Variants in ECE1 observed in about 807,000 individuals in gnomAD.
The protein encoded by ECE1 is endothelin-converting enzyme 1.
ECE1 carries 35 observed loss-of-function variants against 98.6 expected under a neutral mutation model. That is an observed-to-expected ratio of 0.35 (90% CI 0.27 to 0.47). ECE1 has a LOEUF of 0.47. ECE1 is among the 20% of genes least tolerant of loss of function. The probability of loss-of-function intolerance (pLI) is 1.00; values close to 1 mark genes in which losing one functional copy is unlikely to be tolerated. For missense variants in ECE1, 814 were observed against 1,025.3 expected, an observed-to-expected ratio of 0.79 and a Z score of 2.81; for synonymous variants, 394 against 407.1, an observed-to-expected ratio of 0.97 and a Z score of 0.39.
chr1:21,318,510 G>A (rs1009681195), intron 1 of ECE1, among the ~76,000 whole-genome samples: 1 of 152,068 alleles, frequency 6.6e-6, no homozygotes, highest in African/African-American at 2.4e-5. Flanking sequence ...CACTGTCTTT[G>A]GGGCAGACAT....
At position 21,282,601 on chromosome 1, in the gene ECE1, AAAAG is replaced by A. The variant is rs1223834867; in HGVS notation, c.139-3273_139-3270del. 3.3e-3 allele frequency among the ~76,000 whole-genome samples: 504 copies of A among 150,996 alleles called. 12 individuals carry two copies. The highest frequency in any genetic ancestry group is 0.031 in the Admixed American group (469 of 15,090). On this transcript the variant is annotated intron_variant, in intron 2 of 18. Transcript: ENST00000374893. ...AGACGCTGTCTTGAAAAAAAAAAAA[AAAAG>A]AAAGAAAAGAAAAGAAAAGAGGTAC...
At chr1:21,317,929 C>G (rs1297514368) in intron 1 of ECE1, among the ~76,000 whole-genome samples, 1 of 152,186 alleles carries the variant, frequency 6.6e-6, no homozygotes, top group Non-Finnish European at 1.5e-5. Flanking sequence ...CGGGGTGTGA[C>G]CCCAATGTTC....
At chr1:21,296,158 A>AT (rs756587004) in intron 1 of ECE1, among the ~76,000 whole-genome samples, 31 of 152,144 alleles carry the variant, frequency 2.0e-4, no homozygotes, top group Non-Finnish European at 1.2e-4. Flanking sequence ...AAAATAACAG[A>AT]TTGCCCAGGT....
At chr1:21,302,318 C>T (rs1558423279) in intron 1 of ECE1, among the ~76,000 whole-genome samples, 1 of 152,202 alleles carries the variant, frequency 6.6e-6, no homozygotes, top group African/African-American at 2.4e-5. Context: ...GTGCTAAGCG[C>T]CCTACACACA....
At chr1:21,333,788 C>T (rs931409678) in intron 1 of ECE1, among the ~76,000 whole-genome samples, 7 of 151,822 alleles carry the variant, frequency 4.6e-5, no homozygotes, top group African/African-American at 1.7e-4. Context: ...GAGCTGAGAT[C>T]GTGCCACTGC....
intron 1 of ECE1, among the ~76,000 whole-genome samples, chr1:21,342,630 AC>A (rs1308167007): frequency 7.4e-6 from 1 of 135,558 alleles, no homozygotes; most frequent in Non-Finnish European, 1.5e-5. Context: ...ACACACACAC[AC>A]ACACACACAC....
In ECE1 at chr1:21,238,040, A is replaced by G; in HGVS notation, c.1389+94T>C. The G allele has an allele frequency of 2.6e-6, 3 of 1,171,080 alleles. No individual in the cohort carries two copies. In the South Asian group the frequency reaches 3.8e-5, roughly 15 times the overall value. 72.5% of individuals were successfully genotyped at this position (1,171,080 alleles called of 1,614,324 possible). A position where few individuals can be genotyped will look rare whatever the true frequency, so the allele number is the denominator to read the frequency against. ...TAAGGTCCCCTGCCCAGGAGCAGGA[A>G]AGGCCCAGGGTGGGCTGGAGTGTGA... On this transcript the variant is annotated intron_variant, in intron 11 of 18. Coordinates refer to ENST00000374893, the MANE Select transcript of ECE1 (RefSeq NM_001397.3).
At chr1:21,328,087 C>A (rs1047729338) in intron 1 of ECE1, among the ~76,000 whole-genome samples, 7 of 152,180 alleles carry the variant, frequency 4.6e-5, no homozygotes, top group Non-Finnish European at 7.3e-5. Context: ...AAGCCTGGCA[C>A]CAAAAAGGTT....
chr1:21,304,884 C>G lies in ECE1; in HGVS notation c.4-14728G>C, dbSNP rs555979744. 2.6e-5 allele frequency among the ~76,000 whole-genome samples: 4 copies of G among 152,236 alleles called. No individual in the cohort carries two copies. The South Asian group carries it at 8.3e-4, about 32-fold the overall frequency. ...TTTCAAGGAAAACAGAAACTGATTC[C>G]TTTGTAGTGCTGAACATACTGACGA... On this transcript the variant is annotated intron_variant, in intron 1 of 18. Coordinates refer to the ECE1 transcript ENST00000415912.
intron 1 of ECE1, among the ~76,000 whole-genome samples, chr1:21,343,138 T>C (rs1639433805): frequency 6.6e-6 from 1 of 152,120 alleles, no homozygotes; most frequent in Non-Finnish European, 1.5e-5. Context: ...TCTCTCCAGC[T>C]TGGAGAGAGC....
Position 21,345,428 on chromosome 1 carries a change from C to A in ECE1, c.-50G>T. 7.6e-7 allele frequency: 1 copy of A among 1,308,658 alleles called. No individual in the cohort carries two copies. Among genetic ancestry groups the A allele is most frequent in the Non-Finnish European group, 9.8e-7 (1 of 1,017,408 alleles). The allele number at this position is 1,308,658 out of a possible 1,614,324, so 81.1% of individuals were successfully genotyped here. On this transcript the variant is annotated 5_prime_UTR_variant, in exon 1 of 19. Transcript: ENST00000415912. This position sits in a 1 kb window ranked among gnomAD's most constrained non-coding sequence, Gnocchi z 5.1. ...CGCGCAGCTCCCCGCGCCCGGCTCC[C>A]GATTCCCAGCTCCGGGTTCCCTGCT...
At chr1:21,274,202 G>A (rs572331800) in intron 3 of ECE1, among the ~76,000 whole-genome samples, 6 of 152,358 alleles carry the variant, frequency 3.9e-5, no homozygotes, top group African/African-American at 1.4e-4. Context: ...ATGTGGGAGG[G>A]CGGAGAGCTG....
chr1:21,250,344 T>G (rs887895363), intron 8 of ECE1, among the ~76,000 whole-genome samples: 2 of 152,230 alleles, frequency 1.3e-5, no homozygotes, highest in South Asian at 2.1e-4. Flanking sequence ...ATTTTTAGTG[T>G]GCGATTTTAC....
At chr1:21,247,882 G>T (rs1460529529) in intron 8 of ECE1, among the ~76,000 whole-genome samples, 3 of 152,164 alleles carry the variant, frequency 2.0e-5, no homozygotes. Context: ...TCAGTATCTT[G>T]TCTGAGAAGT....
intron 1 of ECE1, among the ~76,000 whole-genome samples, chr1:21,314,589 C>T (rs977596959): frequency 6.6e-6 from 1 of 152,244 alleles, no homozygotes; most frequent in Non-Finnish European, 1.5e-5. Flanking sequence ...CCTAACCCAG[C>T]CCAGTCAGGA....
chr1:21,279,575 T>C, intron 2 of ECE1: 1 of 1,440,346 alleles, frequency 6.9e-7, no homozygotes, highest in Non-Finnish European at 9.1e-7. Flanking sequence ...GACAGGCTTG[T>C]TTTTTTGTGT....
intron 17 of ECE1, 183 bp from the exon 18 acceptor site, chr1:21,222,025 A>G: frequency 1.5e-6 from 1 of 662,814 alleles, no homozygotes; most frequent in Non-Finnish European, 2.7e-6. Context: ...CTATGGCTTA[A>G]AATACCTTCT....
chr1:21,228,199 C>T (rs1425676140), intron 14 of ECE1, among the ~76,000 whole-genome samples, 158 bp from the exon 15 acceptor site: 1 of 152,118 alleles, frequency 6.6e-6, no homozygotes, highest in African/African-American at 2.4e-5. Context: ...AGGACATCTA[C>T]AGAAGGACTG....
At chr1:21,300,725 C>T (rs958872279) in intron 1 of ECE1, among the ~76,000 whole-genome samples, 1 of 152,136 alleles carries the variant, frequency 6.6e-6, no homozygotes, top group Non-Finnish European at 1.5e-5. Context: ...TGTGAGCCAC[C>T]GTGCCCAGCC....
Sources: allele counts gnomAD v4.1 joint callset (sites outside exome capture counted in the v4.1 genomes callset), GRCh38; gene constraint gnomAD v4.1.1; non-coding constraint Gnocchi (gnomAD v3.1); transcripts MANE v1.5; gene names NCBI Gene and HGNC (gene_info 2026-07-23, HGNC 2026-07-21).